CTNNA2: variants seen among roughly 807,000 people sequenced by gnomAD.
CTNNA2 encodes catenin alpha-2.
CTNNA2 carries 42 observed loss-of-function variants against 101.0 expected under a neutral mutation model. That is an observed-to-expected ratio of 0.42 (90% CI 0.32 to 0.54). The LOEUF (loss-of-function observed/expected upper bound fraction) is 0.54. CTNNA2 is among the 20% of genes least tolerant of loss of function. CTNNA2 has a pLI of 0.14. For synonymous variants in CTNNA2, 450 were observed against 456.4 expected, an observed-to-expected ratio of 0.99 and a Z score of 0.18; for missense variants, 871 against 1,223.1, an observed-to-expected ratio of 0.71 and a Z score of 4.29.
intron 7 of CTNNA2, among the ~76,000 whole-genome samples, chr2:79,946,773 C>T (rs1444175415): frequency 6.6e-6 from 1 of 152,078 alleles, no homozygotes; most frequent in Non-Finnish European, 1.5e-5. Context: ...CCATTGGGAG[C>T]ATATAGTTGA....
intron 6 of CTNNA2, among the ~76,000 whole-genome samples, chr2:79,899,241 A>C (rs1684915869): frequency 1.3e-5 from 2 of 152,220 alleles, no homozygotes; most frequent in Non-Finnish European, 2.9e-5. Context: ...TGATTTGATT[A>C]AGTGCATTTT....
At chr2:80,221,395 G>T (rs1708567643) in intron 7 of CTNNA2, among the ~76,000 whole-genome samples, 2 of 152,132 alleles carry the variant, frequency 1.3e-5, no homozygotes, top group African/African-American at 4.8e-5. Flanking sequence ...GGGACCTCAG[G>T]CCAGCTGGCA....
intron 3 of CTNNA2, among the ~76,000 whole-genome samples, chr2:79,844,471 T>A (rs1202638210): frequency 6.6e-6 from 1 of 152,238 alleles, no homozygotes; most frequent in Admixed American, 6.5e-5. Context: ...TTGGATACTC[T>A]ACATTATTTT....
chr2:79,462,981 A>C (rs1196020417), intron 4 of CTNNA2, among the ~76,000 whole-genome samples: 1 of 152,164 alleles, frequency 6.6e-6, no homozygotes, highest in Non-Finnish European at 1.5e-5. Flanking sequence ...TTTTAAAGTG[A>C]TTATGTGGTG....
intron 6 of CTNNA2, among the ~76,000 whole-genome samples, chr2:79,901,622 T>A (rs1309920938): frequency 6.6e-6 from 1 of 152,192 alleles, no homozygotes; most frequent in Admixed American, 6.5e-5. Flanking sequence ...ACGTTTCAGA[T>A]GACTAAGTAG....
At chr2:79,768,475 A>C (rs1673327865) in intron 3 of CTNNA2, among the ~76,000 whole-genome samples, 1 of 151,652 alleles carries the variant, frequency 6.6e-6, no homozygotes. Context: ...TATCCGTGGC[A>C]GGGGTGATCG....
intron 4 of CTNNA2, among the ~76,000 whole-genome samples, chr2:79,862,480 C>T: frequency 6.6e-6 from 1 of 152,176 alleles, no homozygotes. Context: ...GTTTGAATAA[C>T]AGTAGTCAAT....
chr2:79,321,818 C>A (rs1289621867), intron 3 of CTNNA2, among the ~76,000 whole-genome samples: 2 of 151,500 alleles, frequency 1.3e-5, no homozygotes, highest in Non-Finnish European at 2.9e-5. Context: ...CACACACACA[C>A]AAATGCACAT....
intron 2 of CTNNA2, among the ~76,000 whole-genome samples, chr2:79,660,720 C>G (rs1558812723): frequency 6.6e-6 from 1 of 151,920 alleles, no homozygotes; most frequent in African/African-American, 2.4e-5. Flanking sequence ...TGGGATTATG[C>G]TCAATATTTT....
intron 1 of CTNNA2, among the ~76,000 whole-genome samples, chr2:79,640,804 A>G (rs951642313): frequency 3.3e-5 from 5 of 152,226 alleles, no homozygotes; most frequent in Non-Finnish European, 5.9e-5. Flanking sequence ...TGCAGATGAC[A>G]GAAAATAAAT....
At chr2:79,944,074 A>C (rs1688331990) in intron 7 of CTNNA2, among the ~76,000 whole-genome samples, 1 of 152,192 alleles carries the variant, frequency 6.6e-6, no homozygotes, top group South Asian at 2.1e-4. Context: ...AAAAGAAACA[A>C]ATAACTTACA....
At chr2:79,773,994 C>A (rs914604534) in intron 3 of CTNNA2, among the ~76,000 whole-genome samples, 2 of 152,096 alleles carry the variant, frequency 1.3e-5, no homozygotes, top group Admixed American at 6.5e-5. Flanking sequence ...GCTACACCTT[C>A]CCCCATGATC....
At chr2:80,100,080 C>T (rs184350809) in intron 7 of CTNNA2, among the ~76,000 whole-genome samples, 220 of 151,806 alleles carry the variant, frequency 1.4e-3, no homozygotes, top group African/African-American at 5.0e-3. Context: ...CAGGTGCCTG[C>T]CCCTATGCCC....
intron 3 of CTNNA2, among the ~76,000 whole-genome samples, chr2:79,761,207 G>A (rs766071944): frequency 7.9e-5 from 12 of 151,636 alleles, no homozygotes; most frequent in Admixed American, 2.6e-4. Flanking sequence ...TTCCATTTTC[G>A]GCCACGTCTA....
At chr2:80,432,550 A>G (rs1681640191) in intron 9 of CTNNA2, among the ~76,000 whole-genome samples, 1 of 152,204 alleles carries the variant, frequency 6.6e-6, no homozygotes, top group Non-Finnish European at 1.5e-5. Flanking sequence ...ATTTTCACAT[A>G]ATACCGGTGG....
chr2:80,279,049 C>CGTGAGTGTGTGT (rs1553482574), intron 7 of CTNNA2, among the ~76,000 whole-genome samples: 1 of 135,734 alleles, frequency 7.4e-6, no homozygotes, highest in Admixed American at 7.4e-5. Flanking sequence ...ATGACTTTTA[C>CGTGAGTGTGTGT]GTGTGTGTGT....
intron 7 of CTNNA2, among the ~76,000 whole-genome samples, chr2:80,253,040 C>T (rs1027166039): frequency 1.3e-5 from 2 of 152,060 alleles, no homozygotes; most frequent in African/African-American, 2.4e-5. Context: ...CTACTCCAGT[C>T]CTTCCTGCAT....
At chr2:80,141,700 GA>G (rs1303128958) in intron 7 of CTNNA2, among the ~76,000 whole-genome samples, 1 of 152,030 alleles carries the variant, frequency 6.6e-6, no homozygotes, top group African/African-American at 2.4e-5. Context: ...GGAAATAAAG[GA>G]AAATCTTGAG....
intron 7 of CTNNA2, among the ~76,000 whole-genome samples, chr2:80,074,616 C>T (rs1195574216): frequency 6.6e-6 from 1 of 152,078 alleles, no homozygotes; most frequent in Non-Finnish European, 1.5e-5. Flanking sequence ...ACTCTCAATG[C>T]AGTTGCAGTG....
Sources: allele counts gnomAD v4.1 joint callset (sites outside exome capture counted in the v4.1 genomes callset), GRCh38; gene constraint gnomAD v4.1.1; transcripts MANE v1.5; gene names NCBI Gene and HGNC (gene_info 2026-07-23, HGNC 2026-07-21).